Variants in PLPP1 observed in about 807,000 individuals in gnomAD.
The protein encoded by PLPP1 is lipid phosphate phosphohydrolase 1a.
In PLPP1, 24 loss-of-function variants were observed where a neutral mutation model predicts 31.2. The ratio of observed to expected loss-of-function variants is 0.77; its 90% CI spans 0.56 to 1.08. The LOEUF (loss-of-function observed/expected upper bound fraction) is 1.08, where lower values mean the gene tolerates loss of function less well. Ranked by LOEUF, PLPP1 falls within the 50% of genes least tolerant of loss-of-function variation. The pLI, the probability that PLPP1 is intolerant of heterozygous loss-of-function variation, is 0.00. For synonymous variants in PLPP1, 146 were observed against 126.3 expected (o/e 1.16, Z -1.05); for missense variants, 319 against 342.7 (o/e 0.93, Z 0.55).
At chr5:55,457,604 A>G (rs1485761464) in intron 3 of PLPP1, among the ~76,000 whole-genome samples, 1 of 152,198 alleles carries the variant, frequency 6.6e-6, no homozygotes, top group Non-Finnish European at 1.5e-5. Context: ...TAATATATGT[A>G]TGAATAATTT....
At chr5:55,443,177 T>TAA (rs1178247543) in intron 3 of PLPP1, among the ~76,000 whole-genome samples, 99 of 50,998 alleles carry the variant, frequency 1.9e-3, no homozygotes, top group African/African-American at 4.8e-3. Flanking sequence ...AAGGATTACT[T>TAA]AAAAAAAAAA....
At chr5:55,534,429 T>A in intron 1 of PLPP1, 143 bp downstream of exon 1, 3 of 875,650 alleles carry the variant, frequency 3.4e-6, no homozygotes, top group Non-Finnish European at 4.8e-6. Context: ...GCGGGGTCCC[T>A]CGGCTGCAGA....
At chr5:55,523,556 AAGAGAGTTGTCG>A (rs1032509986) in intron 1 of PLPP1, among the ~76,000 whole-genome samples, 1 of 152,174 alleles carries the variant, frequency 6.6e-6, no homozygotes, top group African/African-American at 2.4e-5. Flanking sequence ...CCAAGCTCCT[AAGAGAGTTGTCG>A]AGAGACTGCA....
At chr5:55,508,938 C>T (rs1298529111) in intron 1 of PLPP1, 1 of 153,976 alleles carries the variant, frequency 6.5e-6, no homozygotes, top group Non-Finnish European at 1.5e-5. Flanking sequence ...GAGCAGAGAA[C>T]AACTAGAGCT....
Position 55,440,602 on chromosome 5 carries a change from T to G in PLPP1, c.549+1249A>C, listed in dbSNP as rs1034487794. 5.4e-4 allele frequency among the ~76,000 whole-genome samples: 82 copies of G among 151,482 alleles called. 1 individual carries two copies. Among genetic ancestry groups the G allele is most frequent in the African/African-American group, 1.9e-3 (78 of 41,112 alleles). On this transcript the variant is annotated intron_variant, in intron 4 of 5. Transcript: ENST00000307259. Reference sequence around the variant, plus strand: ...ATTCTGCTGAATCATACTCTGTGCTTCTTCACAAAATTTAATTAATGTAAG... The same window carrying G: ...ATTCTGCTGAATCATACTCTGTGCTGCTTCACAAAATTTAATTAATGTAAG...
At chr5:55,530,440 A>C in intron 1 of PLPP1, 1 of 1,262,460 alleles carries the variant, frequency 7.9e-7, no homozygotes, top group Non-Finnish European at 1.2e-6. Flanking sequence ...GGATGACCAG[A>C]AGAACTTGTA....
chr5:55,443,192 A>AAAAAAAAAAATATATATATAT, intron 3 of PLPP1, among the ~76,000 whole-genome samples: 10 of 25,430 alleles, frequency 3.9e-4, no homozygotes, highest in African/African-American at 4.3e-4. Context: ...AAAAAAAAAA[A>AAAAAAAAAAATATATATATAT]ATATATATAT....
chr5:55,427,096 A>G (rs78454556), intron 4 of PLPP1, among the ~76,000 whole-genome samples: 4 of 89,892 alleles, frequency 4.4e-5, no homozygotes, highest in South Asian at 8.1e-4. Context: ...TTAAAAAAAA[A>G]AAAAAAAAGA....
At chr5:55,512,395 C>T (rs1298020467) in intron 1 of PLPP1, among the ~76,000 whole-genome samples, 6 of 150,568 alleles carry the variant, frequency 4.0e-5, no homozygotes, top group South Asian at 2.1e-4. Flanking sequence ...CACTTGAACC[C>T]GGGAAGTGGA....
At position 55,466,271 on chromosome 5, in the gene PLPP1, A is replaced by C. The variant is rs886807541; in HGVS notation, c.491+1598T>G. On this transcript the variant is annotated intron_variant, in intron 3 of 5. Coordinates refer to ENST00000307259, the MANE Select transcript of PLPP1 (RefSeq NM_003711.4). ...CTCTTCCATTCTCATCCTTTGTTTA[A>C]TGTAAATCTTCCCTGCCAGACTAAG... Among the ~76,000 whole-genome samples, 3 of 152,256 alleles carry C rather than the reference A, an allele frequency of 2.0e-5. No homozygotes were observed. The East Asian group carries it at 5.8e-4, about 29-fold the overall frequency.
At chr5:55,499,185 AACC>A (rs1753065595) in intron 1 of PLPP1, among the ~76,000 whole-genome samples, 1 of 152,196 alleles carries the variant, frequency 6.6e-6, no homozygotes, top group South Asian at 2.1e-4. Context: ...TCTTCTCTAG[AACC>A]ACTAGAAACT....
At chr5:55,474,625 TATG>T (rs1469798940) in intron 2 of PLPP1, among the ~76,000 whole-genome samples, 5 of 152,356 alleles carry the variant, frequency 3.3e-5, no homozygotes, top group Admixed American at 3.3e-4. Context: ...CTCTCCTGTG[TATG>T]ATATGATCTA....
intron 1 of PLPP1, among the ~76,000 whole-genome samples, chr5:55,520,865 A>C (rs1339253207): frequency 6.6e-6 from 1 of 152,244 alleles, no homozygotes; most frequent in Non-Finnish European, 1.5e-5. Context: ...AGTTTACATT[A>C]TCTCTGCTGT....
At chr5:55,466,821 A>T (rs199897996) in intron 3 of PLPP1, among the ~76,000 whole-genome samples, 1 of 4,760 alleles carries the variant, frequency 2.1e-4, no homozygotes, top group African/African-American at 3.7e-4. Flanking sequence ...AAAAAATCAA[A>T]CAAACAAAGG....
intron 1 of PLPP1, among the ~76,000 whole-genome samples, chr5:55,477,101 T>A (rs956415548): frequency 6.6e-6 from 1 of 151,984 alleles, no homozygotes; most frequent in Non-Finnish European, 1.5e-5. Flanking sequence ...GGCCTTCATA[T>A]CCCAATTCAG....
rs1753127501 is a variant in PLPP1 at position 55,500,865 on chromosome 5, ATT to A, written c.59-25417_59-25416del. On this transcript the variant is annotated intron_variant, in intron 1 of 5. Transcript: ENST00000307259. Reference sequence around the variant, plus strand: ...TGAGATGCTCTATCACAATAAAAACATTTTTTGTTTCTTGAAATTATGCCTAT... The same window carrying A: ...TGAGATGCTCTATCACAATAAAAACATTTTGTTTCTTGAAATTATGCCTAT... 2.0e-5 allele frequency among the ~76,000 whole-genome samples: 3 copies of A among 152,332 alleles called. No individual in the cohort carries two copies. The East Asian group carries it at 5.8e-4, about 29-fold the overall frequency.
At chr5:55,526,208 G>A (rs189672060) in intron 1 of PLPP1, among the ~76,000 whole-genome samples, 43 of 152,270 alleles carry the variant, frequency 2.8e-4, no homozygotes, top group African/African-American at 9.9e-4. Flanking sequence ...ATGACTAAAT[G>A]AGAAAGAGAT....
chr5:55,444,148 CT>C (rs909432638), intron 3 of PLPP1, among the ~76,000 whole-genome samples: 3 of 150,196 alleles, frequency 2.0e-5, no homozygotes, highest in African/African-American at 7.4e-5. Flanking sequence ...GTGGTGCAAT[CT>C]TGGCTCACTG....
chr5:55,471,885 G>A (rs1022597188), intron 2 of PLPP1, among the ~76,000 whole-genome samples: 1 of 152,146 alleles, frequency 6.6e-6, no homozygotes, highest in African/African-American at 2.4e-5. Context: ...TTGGGATGTT[G>A]AGGCAGGAGG....
Sources: gnomAD v4.1 joint callset for allele counts (sites outside exome capture counted in the v4.1 genomes callset) on GRCh38, gnomAD v4.1.1 for gene constraint, MANE v1.5 for transcripts, NCBI Gene and HGNC (gene_info 2026-07-23, HGNC 2026-07-21) for gene names.